ADAM10: variants seen among roughly 807,000 people sequenced by gnomAD.
The protein encoded by ADAM10 is disintegrin and metalloproteinase domain-containing protein 10.
A neutral mutation model predicts 90.1 loss-of-function variants in ADAM10; 17 were observed. That is an observed-to-expected ratio of 0.19 (90% CI 0.13 to 0.28). ADAM10 has a LOEUF of 0.28. Among genes scored for constraint, ADAM10 ranks in the 10% least tolerant of loss-of-function variants. The pLI, the probability that ADAM10 is intolerant of heterozygous loss-of-function variation, is 1.00. For synonymous variants in ADAM10, 310 were observed against 298.6 expected (o/e 1.04, Z -0.40); for missense variants, 610 against 914.3 (o/e 0.67, Z 4.29).
chr15:58,730,403 C>T (rs28536555), intron 1 of ADAM10, among the ~76,000 whole-genome samples: 1 of 152,120 alleles, frequency 6.6e-6, no homozygotes, highest in Non-Finnish European at 1.5e-5. Context: ...TCTGCTTTCA[C>T]ACAACAGCAG....
intron 14 of ADAM10, among the ~76,000 whole-genome samples, chr15:58,604,212 T>C (rs1165318465): frequency 2.6e-5 from 4 of 151,976 alleles, no homozygotes; most frequent in Admixed American, 1.3e-4. Flanking sequence ...AATACAAAAA[T>C]TGGCCAAGCA....
intron 9 of ADAM10, among the ~76,000 whole-genome samples, chr15:58,630,277 T>G (rs1407403620): frequency 1.3e-5 from 2 of 152,216 alleles, no homozygotes; most frequent in Admixed American, 1.3e-4. Context: ...CATATTCATT[T>G]ACATCATATA....
intron 12 of ADAM10, chr15:58,611,569 A>G (rs1471201447): frequency 2.1e-6 from 1 of 482,194 alleles, no homozygotes; most frequent in East Asian, 3.7e-5. Flanking sequence ...GACAAATCAC[A>G]TGCCGAGTTG....
chr15:58,602,196 C>T (rs1425998301), intron 14 of ADAM10, among the ~76,000 whole-genome samples: 1 of 151,990 alleles, frequency 6.6e-6, no homozygotes. Context: ...TTGGACATGT[C>T]CTCATCATTC....
chr15:58,679,907 T>TCAAAA (rs1330001394), intron 3 of ADAM10, among the ~76,000 whole-genome samples: 2 of 151,946 alleles, frequency 1.3e-5, no homozygotes, highest in South Asian at 2.1e-4. Flanking sequence ...AGACCTTGTC[T>TCAAAA]CAAAACAAAA....
chr15:58,619,257 C>G (rs1895708858), intron 11 of ADAM10, among the ~76,000 whole-genome samples: 1 of 152,098 alleles, frequency 6.6e-6, no homozygotes. Context: ...CATGTTGTTA[C>G]TCATATGTGA....
chr15:58,689,165 A>G (rs779803589), intron 2 of ADAM10, among the ~76,000 whole-genome samples: 16 of 152,202 alleles, frequency 1.1e-4, no homozygotes, highest in Non-Finnish European at 1.5e-4. Flanking sequence ...GATTATATGC[A>G]GAGTGACTGC....
chr15:58,615,125 T>A (rs1305381820), intron 11 of ADAM10, among the ~76,000 whole-genome samples: 2 of 151,626 alleles, frequency 1.3e-5, no homozygotes, highest in South Asian at 2.1e-4. Context: ...ACACAAAAAA[T>A]TAGCCGGGCG....
chr15:58,646,343 A>G (rs1896548011), intron 5 of ADAM10, 139 bp from the exon 6 acceptor site: 1 of 877,222 alleles, frequency 1.1e-6, no homozygotes, highest in Admixed American at 2.3e-5. Flanking sequence ...TTAAAAGTTC[A>G]TAAAATCACT....
chr15:58,601,525 A>G (rs561049666), intron 14 of ADAM10, among the ~76,000 whole-genome samples: 1 of 152,290 alleles, frequency 6.6e-6, no homozygotes, highest in African/African-American at 2.4e-5. Flanking sequence ...CCTCAGAGTA[A>G]GTTGCTAGCA....
intron 1 of ADAM10, among the ~76,000 whole-genome samples, chr15:58,726,255 T>C (rs1899022902): frequency 6.6e-6 from 1 of 152,018 alleles, no homozygotes; most frequent in Non-Finnish European, 1.5e-5. Flanking sequence ...CTCTAAAAAA[T>C]ACAACAGGTA....
At chr15:58,688,786 A>ATATCTCTC in intron 2 of ADAM10, among the ~76,000 whole-genome samples, 32 of 122,372 alleles carry the variant, frequency 2.6e-4, no homozygotes, top group African/African-American at 1.1e-3. Flanking sequence ...ATATATATAT[A>ATATCTCTC]TCTCTCTCTC....
intron 10 of ADAM10, among the ~76,000 whole-genome samples, chr15:58,627,461 T>C (rs200250316): frequency 6.6e-6 from 1 of 152,224 alleles, no homozygotes; most frequent in African/African-American, 2.4e-5. Context: ...AGTTAATGAT[T>C]TGCAGACTAA....
intron 9 of ADAM10, 141 bp from the exon 10 acceptor site, chr15:58,628,024 A>ACCTTTT: frequency 1.2e-6 from 1 of 842,014 alleles, no homozygotes; most frequent in Non-Finnish European, 1.8e-6. Flanking sequence ...ATTGTTTTAC[A>ACCTTTT]CCTTGAGTAG....
At chr15:58,667,221 C>G (rs1364517441) in intron 4 of ADAM10, among the ~76,000 whole-genome samples, 1 of 152,116 alleles carries the variant, frequency 6.6e-6, no homozygotes, top group African/African-American at 2.4e-5. Context: ...CTTCCAGTTC[C>G]TCTGCCAGCC....
chr15:58,718,435 T>C (rs1898735619), intron 1 of ADAM10, among the ~76,000 whole-genome samples: 2 of 149,678 alleles, frequency 1.3e-5, no homozygotes, highest in Admixed American at 1.3e-4. Context: ...ACAGTTTTCT[T>C]TTCTTGTACT....
chr15:58,633,473 G>T, intron 8 of ADAM10, 114 bp from the exon 9 acceptor site: 1 of 925,756 alleles, frequency 1.1e-6, no homozygotes, highest in Non-Finnish European at 1.6e-6. Context: ...AAATAGAACT[G>T]GTACTCAAAC....
intron 1 of ADAM10, among the ~76,000 whole-genome samples, chr15:58,726,566 CCAAAAAAAAA>C (rs1185603579): frequency 3.1e-4 from 3 of 9,806 alleles, no homozygotes; most frequent in East Asian, 3.7e-3. Flanking sequence ...CCTCAGTCTC[CCAAAAAAAAA>C]AAAAAAAAAA....
chr15:58,638,390 C>A (rs1375483495), intron 8 of ADAM10, among the ~76,000 whole-genome samples: 3 of 151,378 alleles, frequency 2.0e-5, no homozygotes, highest in Non-Finnish European at 4.4e-5. Flanking sequence ...TAGAGGCGGG[C>A]GGATCACGAG....
Sources: allele counts gnomAD v4.1 joint callset (sites outside exome capture counted in the v4.1 genomes callset), GRCh38; gene constraint gnomAD v4.1.1; transcripts MANE v1.5; gene names NCBI Gene and HGNC (gene_info 2026-07-23, HGNC 2026-07-21).